Variants in ARSG observed in about 807,000 individuals in gnomAD.
The protein encoded by ARSG is arylsulfatase G, also known as ASG.
ARSG carries 37 observed loss-of-function variants against 50.5 expected under a neutral mutation model. That is an observed-to-expected ratio of 0.73 (90% confidence interval 0.56 to 0.96). ARSG has a LOEUF of 0.96. ARSG is among the 50% of genes least tolerant of loss of function. The pLI is 0.00. For missense variants in ARSG, 629 were observed against 675.3 expected (o/e 0.93, Z 0.76); for synonymous variants, 225 against 254.6 (o/e 0.88, Z 1.11).
At chr17:68,362,914 C>T (rs2079365451) in intron 6 of ARSG, among the ~76,000 whole-genome samples, 1 of 152,016 alleles carries the variant, frequency 6.6e-6, no homozygotes, top group Admixed American at 6.6e-5. Flanking sequence ...TCCCCAGTGC[C>T]CAGTTAGAGC....
chr17:68,368,358 T>A (rs184446731), intron 6 of ARSG, among the ~76,000 whole-genome samples, 190 bp from the exon 7 acceptor site: 1 of 152,360 alleles, frequency 6.6e-6, no homozygotes, highest in African/African-American at 2.4e-5. Context: ...TTATTACAAT[T>A]CTCATTTTTA....
At chr17:68,324,074 A>AAG (rs1320256039) in intron 2 of ARSG, among the ~76,000 whole-genome samples, 11 of 146,270 alleles carry the variant, frequency 7.5e-5, no homozygotes, top group African/African-American at 2.9e-4. Context: ...CTCCATCAAA[A>AAG]AAAAAAAAAA....
upstream of ARSG, among the ~76,000 whole-genome samples, chr17:68,286,543 C>T (rs1396817058): frequency 6.6e-6 from 1 of 152,138 alleles, no homozygotes; most frequent in African/African-American, 2.4e-5. Flanking sequence ...CTTGCTATGT[C>T]ACCTAGGCTG....
chr17:68,441,502 A>G, the ARSG span, among the ~76,000 whole-genome samples: 1 of 152,238 alleles, frequency 6.6e-6, no homozygotes, highest in Non-Finnish European at 1.5e-5. Context: ...TCAGAAAATA[A>G]ACTAGAGGAT....
At chr17:68,306,026 G>C (rs1184015823) in intron 1 of ARSG, among the ~76,000 whole-genome samples, 3 of 151,698 alleles carry the variant, frequency 2.0e-5, no homozygotes, top group Admixed American at 2.0e-4. Context: ...TTTTGAGATG[G>C]AGTTTTGTTC....
chr17:68,346,398 C>T (rs1306716093), intron 3 of ARSG, among the ~76,000 whole-genome samples: 1 of 152,200 alleles, frequency 6.6e-6, no homozygotes, highest in Admixed American at 6.5e-5. Context: ...GCCCGTTAAT[C>T]TCTCGTTTGA....
intron 9 of ARSG, among the ~76,000 whole-genome samples, chr17:68,387,093 A>T (rs992466283): frequency 2.0e-5 from 3 of 150,946 alleles, no homozygotes; most frequent in Admixed American, 6.6e-5. Flanking sequence ...ACACACACAC[A>T]CACACACACA....
chr17:68,288,089 C>T (rs2075884736), upstream of ARSG, among the ~76,000 whole-genome samples: 1 of 151,352 alleles, frequency 6.6e-6, no homozygotes, highest in Admixed American at 6.6e-5. Flanking sequence ...CTCTGCCTCC[C>T]GGGTTCAAGC....
downstream of ARSG, chr17:68,422,576 C>T (rs1309222626): frequency 6.6e-6 from 1 of 151,578 alleles, no homozygotes; most frequent in South Asian, 2.1e-4. Context: ...ACTAAAAATA[C>T]AAAATTTAGC....
At chr17:68,425,598 A>C (rs1478098056), downstream of ARSG, among the ~76,000 whole-genome samples, 1 of 152,144 alleles carries the variant, frequency 6.6e-6, no homozygotes, top group African/African-American at 2.4e-5. Context: ...AGTGAGGGTC[A>C]AGCTGGTTCA....
intron 1 of ARSG, among the ~76,000 whole-genome samples, chr17:68,300,416 A>G (rs1051150623): frequency 6.6e-6 from 1 of 152,200 alleles, no homozygotes; most frequent in African/African-American, 2.4e-5. Flanking sequence ...AAAATGTTTA[A>G]TAAGTGATAA....
In ARSG at chr17:68,307,700, G is replaced by A. The variant is rs372738176; in HGVS notation, c.207G>A (p.Ser69=). 4.4e-5 allele frequency: 70 copies of A among 1,574,430 alleles called. No homozygotes were observed. The highest frequency in any genetic ancestry group is 3.0e-4 in the African/African-American group (22 of 74,106). The change falls in exon 2 of 12, where the codon TCG becomes TCA. Residue 69 remains serine, a synonymous_variant. Transcript: ENST00000621439. ...CTGCCAACCTTGATAAGATGGCTTC[G>A]GAGGGAATGAGGTGAGTCTTGAGAT... ...KDTANLDKMA[S]EGMRFVDFHA...
At chr17:68,390,169 G>T (rs911493615) in intron 9 of ARSG, among the ~76,000 whole-genome samples, 1 of 152,052 alleles carries the variant, frequency 6.6e-6, no homozygotes, top group East Asian at 1.9e-4. Flanking sequence ...TGTCTTTTTA[G>T]TAGAGACAGG....
chr17:68,433,906 C>T, the ARSG span, among the ~76,000 whole-genome samples: 50,757 of 150,854 alleles, frequency 0.34, 8,784 homozygotes, highest in Admixed American at 0.47. Flanking sequence ...CCTCAGCCTC[C>T]CAAGTAGCTG....
Position 68,379,421 on chromosome 17 carries a change from A to ATTTTT in ARSG, c.983-5618_983-5614dup, listed in dbSNP as rs375841879. Reference sequence around the variant, plus strand: ...GTGCCACCATGCCTGGAACACTACAATTTTTTTTTTTTTTTTTTTTTTTTT... The same window carrying ATTTTT: ...GTGCCACCATGCCTGGAACACTACAATTTTTTTTTTTTTTTTTTTTTTTTTTTTTT... On this transcript the variant is annotated intron_variant, in intron 8 of 11. Coordinates refer to ENST00000621439, the MANE Select transcript of ARSG (RefSeq NM_001267727.2). Among the ~76,000 whole-genome samples, 237 of 72,268 alleles carry ATTTTT rather than the reference A, an allele frequency of 3.3e-3. 22 individuals are homozygous for ATTTTT. Among genetic ancestry groups the ATTTTT allele is most frequent in the African/African-American group, 0.011 (168 of 15,828 alleles). The allele number at this position is 72,268 out of a possible 152,430, so 47.4% of individuals were successfully genotyped here.
At chr17:68,316,894 A>G (rs1484267603) in intron 2 of ARSG, among the ~76,000 whole-genome samples, 1 of 151,726 alleles carries the variant, frequency 6.6e-6, no homozygotes, top group Admixed American at 6.6e-5. Flanking sequence ...CCAGACTCTC[A>G]CCCTTCCCCA....
At chr17:68,328,857 G>A (rs1241825026) in intron 2 of ARSG, among the ~76,000 whole-genome samples, 1 of 137,160 alleles carries the variant, frequency 7.3e-6, no homozygotes, top group Non-Finnish European at 1.5e-5. Context: ...GAAGAAACAG[G>A]TCTTACGAGG....
intron 2 of ARSG, among the ~76,000 whole-genome samples, chr17:68,322,012 G>A (rs181031979): frequency 9.2e-5 from 14 of 152,306 alleles, no homozygotes; most frequent in Non-Finnish European, 1.6e-4. Flanking sequence ...GCATTTTTGG[G>A]GGTGGGTACA....
At chr17:68,430,889 G>A in the ARSG span, among the ~76,000 whole-genome samples, 2 of 152,214 alleles carry the variant, frequency 1.3e-5, no homozygotes, top group African/African-American at 4.8e-5. Flanking sequence ...GCAGGATTAG[G>A]TCCTGGTGGG....
Sources: allele counts gnomAD v4.1 joint callset (sites outside exome capture counted in the v4.1 genomes callset), GRCh38; gene constraint gnomAD v4.1.1; transcripts MANE v1.5; gene names NCBI Gene and HGNC (gene_info 2026-07-23, HGNC 2026-07-21).